Variants in SKAP1 observed in about 807,000 individuals in gnomAD.
SKAP1 encodes src kinase associated phosphoprotein 1, also known as src kinase-associated phosphoprotein 1.
SKAP1 carries 44 observed loss-of-function variants against 58.5 expected under a neutral mutation model. The observed-to-expected ratio is 0.75, with a 90% CI of 0.59 to 0.97. The LOEUF (loss-of-function observed/expected upper bound fraction) is 0.97. SKAP1 is among the 50% of genes least tolerant of loss of function. The pLI is 0.00. For missense variants in SKAP1, 390 were observed against 435.2 expected (o/e 0.90, Z 0.92); for synonymous variants, 127 against 149.7 (o/e 0.85, Z 1.11).
intron 4 of SKAP1, among the ~76,000 whole-genome samples, chr17:48,277,928 T>C (rs1202251646): frequency 6.6e-6 from 1 of 152,198 alleles, no homozygotes; most frequent in Non-Finnish European, 1.5e-5. Context: ...AAATTATGAA[T>C]AGTAATGGTT....
chr17:48,154,361 C>T (rs2063943866), intron 11 of SKAP1, among the ~76,000 whole-genome samples: 1 of 152,222 alleles, frequency 6.6e-6, no homozygotes, highest in African/African-American at 2.4e-5. Flanking sequence ...CTGTATGGCT[C>T]CCTGTTTCCA....
the SKAP1 span, among the ~76,000 whole-genome samples, chr17:48,441,687 T>C: frequency 7.2e-5 from 11 of 152,298 alleles, no homozygotes; most frequent in East Asian, 5.8e-4. Context: ...AGGGGTTTCA[T>C]TGGCTGGTGT....
chr17:48,175,770 G>C (rs564031186), intron 9 of SKAP1, among the ~76,000 whole-genome samples: 1 of 152,226 alleles, frequency 6.6e-6, no homozygotes, highest in African/African-American at 2.4e-5. Flanking sequence ...TGAGCAGAAT[G>C]TGTATGATTT....
intron 2 of SKAP1, among the ~76,000 whole-genome samples, chr17:48,394,182 C>T (rs577547186): frequency 1.3e-5 from 2 of 152,100 alleles, no homozygotes; most frequent in African/African-American, 2.4e-5. Flanking sequence ...GTGATTGTGC[C>T]ACTGCACTCC....
intron 4 of SKAP1, among the ~76,000 whole-genome samples, chr17:48,270,453 C>T (rs2065614107): frequency 6.6e-6 from 1 of 152,032 alleles, no homozygotes; most frequent in African/African-American, 2.4e-5. Context: ...AAGCGATTCT[C>T]TTGCTTCAGC....
chr17:48,251,220 A>G (rs535819270), intron 4 of SKAP1, among the ~76,000 whole-genome samples: 1 of 152,352 alleles, frequency 6.6e-6, no homozygotes, highest in African/African-American at 2.4e-5. Context: ...GAATCTTCAC[A>G]GCTTTATTTC....
intron 1 of SKAP1, among the ~76,000 whole-genome samples, chr17:48,407,619 G>C (rs1020553244): frequency 6.6e-6 from 1 of 152,188 alleles, no homozygotes; most frequent in Admixed American, 6.5e-5. Context: ...AACACTTTAG[G>C]AGGCCCAGGC....
At position 48,213,741 on chromosome 17, in the gene SKAP1, T is replaced by C. The variant is rs538855507; in HGVS notation, c.281-24241A>G. ...AAAATCATCTCCATAACAGGAATGA[T>C]ATTTGCCACTGTTTTCACTTATTCT... On this transcript the variant is annotated intron_variant, in intron 4 of 12. Coordinates refer to ENST00000336915, the MANE Select transcript of SKAP1 (RefSeq NM_003726.4). Among the ~76,000 whole-genome samples the C allele has an allele frequency of 3.3e-5, 5 of 152,362 alleles. No individual in the cohort carries two copies. The South Asian group carries it at 8.3e-4, about 25-fold the overall frequency.
chr17:48,364,110 C>T (rs911621318), intron 2 of SKAP1, among the ~76,000 whole-genome samples: 18 of 152,196 alleles, frequency 1.2e-4, no homozygotes, highest in Admixed American at 3.3e-4. Context: ...AAGAGCTCTA[C>T]GGGCTTTCAG....
chr17:48,416,141 T>A (rs1042810026), intron 1 of SKAP1, among the ~76,000 whole-genome samples: 4 of 152,216 alleles, frequency 2.6e-5, no homozygotes, highest in Admixed American at 2.6e-4. Flanking sequence ...ATGTATTGAC[T>A]TTTAAAAAAT....
chr17:48,433,008 G>A (rs1167106166), upstream of SKAP1, among the ~76,000 whole-genome samples: 2 of 152,204 alleles, frequency 1.3e-5, no homozygotes, highest in African/African-American at 4.8e-5. Flanking sequence ...AGTATGTAGT[G>A]AGTGACTGGC....
At chr17:48,228,991 C>CA (rs2065098947) in intron 4 of SKAP1, among the ~76,000 whole-genome samples, 1 of 152,106 alleles carries the variant, frequency 6.6e-6, no homozygotes, top group Admixed American at 6.6e-5. Context: ...ATGCTCAGCT[C>CA]AGAGAGGAGA....
intron 6 of SKAP1, among the ~76,000 whole-genome samples, chr17:48,187,562 A>C (rs2064474592): frequency 6.6e-6 from 1 of 152,224 alleles, no homozygotes; most frequent in African/African-American, 2.4e-5. Flanking sequence ...TTTAAAAACC[A>C]AAACATTCAA....
chr17:48,262,431 C>T (rs1598483042), intron 4 of SKAP1, among the ~76,000 whole-genome samples: 2 of 152,114 alleles, frequency 1.3e-5, no homozygotes, highest in African/African-American at 4.8e-5. Flanking sequence ...GTTTAATAAA[C>T]TGCAGTTTTG....
At chr17:48,257,628 C>CTTTTTTTTTTTTTTTT (rs56225931) in intron 4 of SKAP1, among the ~76,000 whole-genome samples, 50 of 111,130 alleles carry the variant, frequency 4.5e-4, no homozygotes, top group African/African-American at 7.2e-4. Flanking sequence ...TTCTTTCTTT[C>CTTTTTTTTTTTTTTTT]TTTTTTTTTT....
intron 4 of SKAP1, among the ~76,000 whole-genome samples, chr17:48,313,207 C>T (rs1246692487): frequency 6.6e-6 from 1 of 152,124 alleles, no homozygotes; most frequent in Non-Finnish European, 1.5e-5. Flanking sequence ...TTAATTTCCC[C>T]TTTGAACTCA....
At chr17:48,293,197 T>G (rs565562438) in intron 4 of SKAP1, among the ~76,000 whole-genome samples, 1 of 152,356 alleles carries the variant, frequency 6.6e-6, no homozygotes, top group South Asian at 2.1e-4. Context: ...AACTTCTTTA[T>G]GTATTGTATA....
chr17:48,436,384 C>T, the SKAP1 span, among the ~76,000 whole-genome samples: 2 of 152,010 alleles, frequency 1.3e-5, no homozygotes, highest in African/African-American at 2.4e-5. Context: ...CAACTGTACC[C>T]GGCCTCTATT....
At chr17:48,405,449 CTTTT>C (rs1234245334) in intron 1 of SKAP1, among the ~76,000 whole-genome samples, 12 of 65,216 alleles carry the variant, frequency 1.8e-4, no homozygotes, top group South Asian at 1.8e-3. Context: ...TTCTTTCTTT[CTTTT>C]CTTTCTTTCT....
Sources: gnomAD v4.1 joint callset for allele counts (sites outside exome capture counted in the v4.1 genomes callset) on GRCh38, gnomAD v4.1.1 for gene constraint, MANE v1.5 for transcripts, NCBI Gene and HGNC (gene_info 2026-07-23, HGNC 2026-07-21) for gene names.